IRAK2: variants seen among roughly 807,000 people sequenced by gnomAD.
IRAK2 encodes the protein interleukin-1 receptor-associated kinase-like 2.
In IRAK2, 57 loss-of-function variants were observed where a neutral mutation model predicts 72.0. That is an observed-to-expected ratio of 0.79 (90% CI 0.64 to 0.99). IRAK2 has a LOEUF of 0.99. Ranked by LOEUF, IRAK2 falls within the 50% of genes least tolerant of loss-of-function variation. IRAK2 has a pLI of 0.00. For synonymous variants in IRAK2, 293 were observed against 312.7 expected (o/e 0.94, Z 0.67); for missense variants, 790 against 794.4 (o/e 0.99, Z 0.07).
At chr3:10,174,280 G>C (rs964843230) in intron 1 of IRAK2, among the ~76,000 whole-genome samples, 1 of 152,140 alleles carries the variant, frequency 6.6e-6, no homozygotes, top group African/African-American at 2.4e-5. Flanking sequence ...CACTTCTCCT[G>C]GAGGCTTTCT....
chr3:10,207,506 C>T (rs1358209714), intron 3 of IRAK2, among the ~76,000 whole-genome samples: 1 of 152,188 alleles, frequency 6.6e-6, no homozygotes, highest in Non-Finnish European at 1.5e-5. Context: ...GCCACCATGG[C>T]TCACCTCACC....
intron 2 of IRAK2, among the ~76,000 whole-genome samples, chr3:10,193,643 C>G (rs779438380): frequency 6.6e-6 from 1 of 152,092 alleles, no homozygotes; most frequent in Non-Finnish European, 1.5e-5. Context: ...ACAAAAAATC[C>G]AGACTCTGTC....
At chr3:10,184,167 A>T in intron 2 of IRAK2, among the ~76,000 whole-genome samples, 1 of 152,208 alleles carries the variant, frequency 6.6e-6, no homozygotes. Context: ...ATGACCAGGA[A>T]GTTGCTCACC....
rs562788691 is a variant in IRAK2, at chr3:10,215,393, C to CA, written c.789-1520dup. Reference sequence around the variant, plus strand: ...TGGGCAATAGAGTGAGACTCTGTCTCAAAAAAAAAAAAAAAAAAAAATTAA... The same window carrying CA: ...TGGGCAATAGAGTGAGACTCTGTCTCAAAAAAAAAAAAAAAAAAAAAATTAA... On this transcript the variant is annotated intron_variant, in intron 6 of 12. Transcript: ENST00000256458. 7.5e-3 allele frequency among the ~76,000 whole-genome samples: 591 copies of CA among 79,026 alleles called. 16 individuals carry two copies. The highest frequency in any genetic ancestry group is 0.042 in the Admixed American group (290 of 6,964). 51.8% of individuals were successfully genotyped at this position (79,026 alleles called of 152,430 possible). A position where few individuals can be genotyped will look rare whatever the true frequency, so the allele number is the denominator to read the frequency against.
rs770238130 is a variant in IRAK2 at position 10,234,487 on chromosome 3, G to C, written c.1301G>C (p.Ser434Thr). The change falls in exon 11 of 13, where the codon AGC becomes ACC. Residue 434 changes from serine (S) to threonine (T), a missense_variant. By Grantham distance (58) the Ser-to-Thr change is moderately conservative. Coordinates refer to ENST00000256458, the MANE Select transcript of IRAK2 (RefSeq NM_001570.4). ...LKDLLLSDIP[S>T]STASLCSRKT... The stretch of plus-strand genomic sequence containing the variant: ...GACTTACTCCTCAGTGATATTCCAA[G>C]CAGCACCGCCTCGCTCTGCTCCAGG... 1.6e-4 allele frequency: 264 copies of C among 1,614,000 alleles called. No homozygotes were observed. Among genetic ancestry groups the C allele is most frequent in the Non-Finnish European group, 2.1e-4 (246 of 1,180,008 alleles).
chr3:10,233,044 A>G (rs1697881931), intron 10 of IRAK2, among the ~76,000 whole-genome samples: 1 of 151,870 alleles, frequency 6.6e-6, no homozygotes, highest in Admixed American at 6.6e-5. Flanking sequence ...GCCTATTTTT[A>G]TTTTTATTTC....
At chr3:10,183,767 A>C (rs919437108) in intron 2 of IRAK2, among the ~76,000 whole-genome samples, 1 of 151,988 alleles carries the variant, frequency 6.6e-6, no homozygotes, top group Admixed American at 6.6e-5. Flanking sequence ...ATAAATCAGT[A>C]CAGAAGGCTT....
At chr3:10,174,726 T>C (rs941360761) in intron 1 of IRAK2, among the ~76,000 whole-genome samples, 2 of 152,040 alleles carry the variant, frequency 1.3e-5, no homozygotes, top group African/African-American at 4.8e-5. Flanking sequence ...GAGTTCACCA[T>C]GTTGGCCAGG....
intron 1 of IRAK2, among the ~76,000 whole-genome samples, chr3:10,174,779 C>A (rs540438418): frequency 4.6e-5 from 7 of 152,068 alleles, no homozygotes; most frequent in African/African-American, 1.7e-4. Context: ...CCCACCTCAG[C>A]CTCCCAAAGT....
At chr3:10,197,769 G>A (rs1394120038) in intron 2 of IRAK2, among the ~76,000 whole-genome samples, 2 of 150,878 alleles carry the variant, frequency 1.3e-5, no homozygotes, top group Non-Finnish European at 2.9e-5. Context: ...GAAGAATGGC[G>A]TGAACCTGGG....
intron 11 of IRAK2, among the ~76,000 whole-genome samples, chr3:10,237,337 C>G (rs565198181): frequency 6.6e-4 from 101 of 152,188 alleles, no homozygotes; most frequent in Middle Eastern, 3.4e-3. Context: ...TACATCACAA[C>G]CAAGCTGGGA....
At chr3:10,168,055 C>A (rs1262955350) in intron 1 of IRAK2, among the ~76,000 whole-genome samples, 1 of 152,134 alleles carries the variant, frequency 6.6e-6, no homozygotes, top group African/African-American at 2.4e-5. Flanking sequence ...TCTCACCTTC[C>A]CAAATTGCTG....
chr3:10,243,330 G>C lies in IRAK2; in HGVS notation c.*1102G>C, dbSNP rs1698091033. ...TTACAGGCTTGAGCCACCGCACCCGGCCGAGAATATGTGTTGTTATTTATG... is the reference window on the plus strand; with the variant it reads ...TTACAGGCTTGAGCCACCGCACCCGCCCGAGAATATGTGTTGTTATTTATG... On this transcript the variant is annotated 3_prime_UTR_variant, in exon 13 of 13. Coordinates refer to ENST00000256458, the MANE Select transcript of IRAK2 (RefSeq NM_001570.4). The C allele has an allele frequency of 6.6e-6, 1 of 152,626 alleles. No individual in the cohort carries two copies. The highest frequency in any genetic ancestry group is 6.5e-5 in the Admixed American group (1 of 15,276). The allele number at this position is 152,626 out of a possible 1,614,324, so 9.5% of individuals were successfully genotyped here. A position where few individuals can be genotyped will look rare whatever the true frequency, so the allele number is the denominator to read the frequency against.
chr3:10,196,698 C>G (rs553631019), intron 2 of IRAK2, among the ~76,000 whole-genome samples: 1 of 152,220 alleles, frequency 6.6e-6, no homozygotes, highest in East Asian at 1.9e-4. Flanking sequence ...CTTCCTGCCT[C>G]AGTGCTGCCT....
chr3:10,165,070 GA>G, intron 1 of IRAK2, 22 bp downstream of exon 1: 1 of 1,595,782 alleles, frequency 6.3e-7, no homozygotes, highest in Non-Finnish European at 8.6e-7. Flanking sequence ...CCGGGGAGGG[GA>G]GGGGACCAGG....
intron 7 of IRAK2, among the ~76,000 whole-genome samples, chr3:10,219,283 C>T (rs1212810067): frequency 6.6e-6 from 1 of 151,970 alleles, no homozygotes. Context: ...GATCAGGAGC[C>T]TGGGACCCTG....
At chr3:10,222,856 A>G (rs752589172) in intron 9 of IRAK2, 25 bp downstream of exon 9, 1 of 1,602,232 alleles carries the variant, frequency 6.2e-7, no homozygotes, top group Non-Finnish European at 8.6e-7. Context: ...CTCTGCGTAG[A>G]GTGGGGCCCA....
intron 11 of IRAK2, among the ~76,000 whole-genome samples, chr3:10,236,843 T>C (rs1219060236): frequency 6.6e-6 from 1 of 152,262 alleles, no homozygotes; most frequent in Non-Finnish European, 1.5e-5. Flanking sequence ...TTAAATAAGA[T>C]AGATGTTTAT....
chr3:10,230,547 A>T (rs1325084950), intron 10 of IRAK2, among the ~76,000 whole-genome samples: 1 of 152,140 alleles, frequency 6.6e-6, no homozygotes, highest in Non-Finnish European at 1.5e-5. Context: ...TAACTAGAAC[A>T]TAATAAACAA....
Sources: allele counts gnomAD v4.1 joint callset (sites outside exome capture counted in the v4.1 genomes callset), GRCh38; gene constraint gnomAD v4.1.1; transcripts MANE v1.5; gene names NCBI Gene and HGNC (gene_info 2026-07-23, HGNC 2026-07-21).